Variants in CPZ observed in about 807,000 individuals in gnomAD.
CPZ encodes carboxypeptidase Z.
CPZ carries 103 observed loss-of-function variants against 61.8 expected under a neutral mutation model. The ratio of observed to expected loss-of-function variants is 1.67; its 90% CI spans 1.42 to 1.96. The LOEUF (loss-of-function observed/expected upper bound fraction) is 1.96, where lower values mean the gene tolerates loss of function less well. CPZ is among the 30% of genes most tolerant of loss of function. The pLI, the probability that CPZ is intolerant of heterozygous loss-of-function variation, is 0.00. For synonymous variants in CPZ, 551 were observed against 373.7 expected (o/e 1.47, Z -5.47); for missense variants, 1,461 against 914.9 (o/e 1.60, Z -7.70).
intron 10 of CPZ, 64 bp from the exon 11 acceptor site, chr4:8,619,191 TCCATCAC>T (rs916791546): frequency 5.9e-6 from 8 of 1,349,004 alleles, no homozygotes; most frequent in Admixed American, 2.2e-5. Context: ...CCCACTCATA[TCCATCAC>T]CCATCACCCC....
chr4:8,618,504 G>C lies in CPZ; in HGVS notation c.1579G>C (p.Gly527Arg). 1.2e-6 allele frequency: 2 copies of C among 1,614,064 alleles called. No homozygotes were observed. The highest frequency in any genetic ancestry group is 1.1e-5 in the South Asian group (1 of 91,080). Residue 527 changes from glycine to arginine, a missense_variant, in exon 10 of 11, where the codon GGC becomes CGC. Physicochemically the swap from Gly to Arg is moderately radical, Grantham distance 125. Transcript: ENST00000360986. Reference protein sequence around the residue: ...PVKNARISVKGIRHDITTAPD... With the variant: ...PVKNARISVKRIRHDITTAPD... The stretch of plus-strand genomic sequence containing the variant: ...CAAAAACGCCCGGATCTCAGTCAAA[G>C]GCATTCGCCACGACATCACCACAGG...
intron 10 of CPZ, 92 bp from the exon 11 acceptor site, chr4:8,619,170 G>A: frequency 1.7e-6 from 2 of 1,159,210 alleles, no homozygotes; most frequent in South Asian, 3.1e-5. Flanking sequence ...TGCCTCCCAT[G>A]CTAACCTCTC....
intron 8 of CPZ, 97 bp from the exon 9 acceptor site, chr4:8,614,262 G>C: frequency 6.8e-7 from 1 of 1,473,222 alleles, no homozygotes; most frequent in East Asian, 2.4e-5. Context: ...CTGACACCCC[G>C]GCGTCCCGGC....
intron 2 of CPZ, chr4:8,600,109 A>C (rs1714462017): frequency 6.6e-6 from 1 of 152,204 alleles, no homozygotes; most frequent in African/African-American, 2.4e-5. Context: ...TCAATGACAT[A>C]TGTAAAATGT....
intron 1 of CPZ, among the ~76,000 whole-genome samples, chr4:8,595,715 G>A (rs925489896): frequency 5.3e-5 from 8 of 152,254 alleles, no homozygotes; most frequent in Non-Finnish European, 1.0e-4. Context: ...TACTGATGAT[G>A]TAATCCCTGG....
At chr4:8,594,653 C>T (rs530395202) in intron 1 of CPZ, among the ~76,000 whole-genome samples, 11 of 152,350 alleles carry the variant, frequency 7.2e-5, no homozygotes, top group African/African-American at 9.6e-5. Flanking sequence ...TTTCAAAAGC[C>T]GCTTTCAGAC....
chr4:8,601,481 G>C lies in CPZ; in HGVS notation c.480G>C (p.Pro160=), dbSNP rs372127536. The change falls in exon 3 of 11, where the codon CCG becomes CCC. Residue 160 remains proline, a synonymous_variant. Coordinates refer to ENST00000360986, the MANE Select transcript of CPZ (RefSeq NM_001014447.3). ...GAGAGGACGAGGGCTGCTATGACCCGCTGGAGAAGCTTCGGGGTAAGGGAA... is the reference window on the plus strand; with the variant it reads ...GAGAGGACGAGGGCTGCTATGACCCCCTGGAGAAGCTTCGGGGTAAGGGAA... ...FTREDEGCYD[P]LEKLRGGLEA... is the part of the protein sequence containing the mutation. 6 of 1,486,514 alleles carry C rather than the reference G, an allele frequency of 4.0e-6. No individual in the cohort carries two copies. In the Admixed American group the frequency reaches 1.0e-4, roughly 26 times the overall value. The allele number at this position is 1,486,514 out of a possible 1,614,324, so 92.1% of individuals were successfully genotyped here. A position where few individuals can be genotyped will look rare whatever the true frequency, so the allele number is the denominator to read the frequency against.
chr4:8,606,061 T>G lies in CPZ; in HGVS notation c.782T>G (p.Leu261Arg). 6.2e-7 allele frequency: 1 copy of G among 1,614,226 alleles called. No individual in the cohort carries two copies. The highest frequency in any genetic ancestry group is 1.1e-5 in the South Asian group (1 of 91,090). The change falls in exon 5 of 11, where the codon CTA (leucine) becomes CGA (arginine). Residue 261 changes from leucine to arginine, a missense_variant. By Grantham distance (102) the Leu-to-Arg change is moderately radical. Transcript: ENST00000360986. ...GCGGGCCGGGAGATGCTCATCTACC[T>G]AGCCCAGTACCTGTGCTCTGAGTAC... is the stretch of plus-strand genomic sequence containing the variant. The part of the protein sequence containing the change: ...EVAGREMLIY[L>R]AQYLCSEYLL...
At chr4:8,594,222 G>A (rs1440997769) in intron 1 of CPZ, among the ~76,000 whole-genome samples, 3 of 152,178 alleles carry the variant, frequency 2.0e-5, no homozygotes, top group Admixed American at 6.5e-5. Context: ...CCCCTCTTAT[G>A]GACGAGTGTG....
Position 8,603,960 on chromosome 4 carries a change from C to T in CPZ, c.497-16C>T, listed in dbSNP as rs79175986. ...GGGGGCCTGACACTGACTGAGCCCCCCCACTGCTCCCCCAGGAGGCCTGGA... is the reference window on the plus strand; with the variant it reads ...GGGGGCCTGACACTGACTGAGCCCCTCCACTGCTCCCCCAGGAGGCCTGGA... On this transcript the variant is annotated splice_polypyrimidine_tract_variant and intron_variant, in intron 3 of 10. Transcript: ENST00000360986. 3.1e-6 allele frequency: 5 copies of T among 1,610,468 alleles called. No homozygotes were observed. The Admixed American group carries it at 5.0e-5, about 16-fold the overall frequency.
At chr4:8,609,819 G>C (rs983837036) in intron 7 of CPZ, among the ~76,000 whole-genome samples, 1 of 152,168 alleles carries the variant, frequency 6.6e-6, no homozygotes, top group East Asian at 1.9e-4. Context: ...CCCTGTGGCC[G>C]GCAGTGATCT....
rs898643031 is a variant in CPZ, at chr4:8,610,986, A to C, written c.1228-1041A>C. ...GGAGCAATCACTCATTCACTCAGTC[A>C]CTCACTCTTTCACTCATTCACTCAC... is the stretch of plus-strand genomic sequence containing the variant. On this transcript the variant is annotated intron_variant, in intron 7 of 10. Transcript: ENST00000360986. 4.6e-5 allele frequency among the ~76,000 whole-genome samples: 7 copies of C among 151,192 alleles called. No homozygotes were observed. In the South Asian group the frequency reaches 1.0e-3, roughly 23 times the overall value.
chr4:8,609,243 C>CACTCATTT (rs150286254), intron 7 of CPZ, among the ~76,000 whole-genome samples: 13,353 of 90,610 alleles, frequency 0.15, 1,280 homozygotes, highest in African/African-American at 0.34. Context: ...GTCACTCATT[C>CACTCATTT]ACTCATCACT....
intron 3 of CPZ, chr4:8,602,347 C>T (rs1334180293): frequency 2.0e-5 from 3 of 152,338 alleles, no homozygotes; most frequent in Admixed American, 6.5e-5. Flanking sequence ...CTGTCCAAGA[C>T]AGTTACCACT....
chr4:8,617,140 G>A (rs1277387352), intron 9 of CPZ, among the ~76,000 whole-genome samples: 1 of 152,250 alleles, frequency 6.6e-6, no homozygotes, highest in Non-Finnish European at 1.5e-5. Context: ...GGCCGCGTGT[G>A]TCAGGCCAGT....
At chr4:8,594,359 T>C (rs984892163) in intron 1 of CPZ, among the ~76,000 whole-genome samples, 2 of 152,194 alleles carry the variant, frequency 1.3e-5, no homozygotes, top group Non-Finnish European at 2.9e-5. Context: ...GCAAGCCTGG[T>C]GCTCTCTCCT....
chr4:8,618,035 G>A (rs753182906), intron 9 of CPZ: 14 of 254,260 alleles, frequency 5.5e-5, no homozygotes, highest in African/African-American at 1.1e-4. Context: ...CCATGCCCAC[G>A]CCACCTTCAG....
At chr4:8,595,391 G>A (rs909670545) in intron 1 of CPZ, among the ~76,000 whole-genome samples, 5 of 152,230 alleles carry the variant, frequency 3.3e-5, no homozygotes, top group African/African-American at 9.6e-5. Flanking sequence ...AAGCAATGGT[G>A]AATAGCCTAA....
chr4:8,607,766 C>A (rs1158438833), intron 7 of CPZ, among the ~76,000 whole-genome samples: 1 of 152,158 alleles, frequency 6.6e-6, no homozygotes, highest in Non-Finnish European at 1.5e-5. Context: ...GTGCTTCCCA[C>A]CGCAGAGGGG....
Sources: allele counts gnomAD v4.1 joint callset (sites outside exome capture counted in the v4.1 genomes callset), GRCh38; gene constraint gnomAD v4.1.1; transcripts MANE v1.5; gene names NCBI Gene and HGNC (gene_info 2026-07-23, HGNC 2026-07-21).